NTRK2: variants seen among roughly 807,000 people sequenced by gnomAD.
NTRK2 encodes the protein BDNF/NT-3 growth factors receptor.
A neutral mutation model predicts 94.5 loss-of-function variants in NTRK2; 13 were observed. The ratio of observed to expected loss-of-function variants is 0.14; its 90% CI spans 0.09 to 0.22. NTRK2 has a LOEUF of 0.22. NTRK2 is among the 10% of genes least tolerant of loss of function. NTRK2 has a pLI of 1.00. For synonymous variants in NTRK2, 372 were observed against 407.4 expected, an observed-to-expected ratio of 0.91 and a Z score of 1.05; for missense variants, 639 against 1,071.2, an observed-to-expected ratio of 0.60 and a Z score of 5.63.
rs112790769 is a variant in NTRK2, at chr9:84,948,666, G to A, written c.1937+32G>A. Reference sequence around the variant, plus strand: ...TGAGGCGGGGAGGTGGGCTCCAGGAGGGAGCAGGCCTTCAGGGTTCAGGAG... The same window carrying A: ...TGAGGCGGGGAGGTGGGCTCCAGGAAGGAGCAGGCCTTCAGGGTTCAGGAG... On this transcript the variant is annotated intron_variant, in intron 16 of 18. Coordinates refer to ENST00000277120, the MANE Select transcript of NTRK2 (RefSeq NM_006180.6). The A allele has an allele frequency of 3.0e-5, 48 of 1,608,814 alleles. No individual in the cohort carries two copies. In the African/African-American group the frequency reaches 3.9e-4, roughly 13 times the overall value.
chr9:84,717,793 T>C lies in NTRK2; in HGVS notation c.584-5780T>C, dbSNP rs545804662. 5.9e-5 allele frequency among the ~76,000 whole-genome samples: 9 copies of C among 152,326 alleles called. No homozygotes were observed. In the South Asian group the frequency reaches 1.9e-3, roughly 32 times the overall value. The stretch of plus-strand genomic sequence containing the variant: ...ACATCTGAATTTAAATATATGTATA[T>C]CTTATATTTTGTCAAATTGCTTGAA... On this transcript the variant is annotated intron_variant, in intron 6 of 18. Coordinates refer to ENST00000277120, the MANE Select transcript of NTRK2 (RefSeq NM_006180.6).
At chr9:84,831,023 A>G (rs1378093448) in intron 12 of NTRK2, among the ~76,000 whole-genome samples, 11 of 152,242 alleles carry the variant, frequency 7.2e-5, no homozygotes, top group African/African-American at 2.7e-4. Flanking sequence ...AACATTTGTC[A>G]TAAATAAACT....
rs563556897 is a variant in NTRK2 at position 84,854,071 on chromosome 9, CA to C, written c.1397-6956del. On this transcript the variant is annotated intron_variant, in intron 12 of 18. Transcript: ENST00000277120. Reference sequence around the variant, plus strand: ...TGGGCAACAGAGTGAGACTCTGTCTCAAAAAAAAAAAAAGAAAAGAAAAGAA... The same window carrying C: ...TGGGCAACAGAGTGAGACTCTGTCTCAAAAAAAAAAAAGAAAAGAAAAGAA... 8.4e-3 allele frequency among the ~76,000 whole-genome samples: 514 copies of C among 61,092 alleles called. 2 individuals are homozygous for C. Among genetic ancestry groups the C allele is most frequent in the African/African-American group, 0.024 (390 of 16,178 alleles). 40.1% of individuals were successfully genotyped at this position (61,092 alleles called of 152,430 possible).
At chr9:84,707,489 A>C (rs1299001251) in intron 4 of NTRK2, among the ~76,000 whole-genome samples, 1 of 152,188 alleles carries the variant, frequency 6.6e-6, no homozygotes, top group African/African-American at 2.4e-5. Context: ...TTATAGTTTT[A>C]AATTTTATTT....
At chr9:84,813,414 G>A in intron 12 of NTRK2, 1 of 1,063,414 alleles carries the variant, frequency 9.4e-7, no homozygotes, top group South Asian at 4.6e-5. Context: ...AAAAGTCTGT[G>A]GGCTGCCAGT....
At chr9:84,866,716 C>T (rs561406879) in intron 13 of NTRK2, among the ~76,000 whole-genome samples, 1 of 152,242 alleles carries the variant, frequency 6.6e-6, no homozygotes, top group Admixed American at 6.5e-5. Flanking sequence ...CCAGTAATTC[C>T]ACCCAAGAGA....
rs372921138 is a variant in NTRK2, at chr9:85,021,469, G to A, written c.*32G>A. 6.8e-6 allele frequency: 11 copies of A among 1,607,168 alleles called. No individual in the cohort carries two copies. Among genetic ancestry groups the A allele is most frequent in the African/African-American group, 5.3e-5 (4 of 74,814 alleles). On this transcript the variant is annotated 3_prime_UTR_variant, in exon 19 of 19. Transcript: ENST00000277120. ...TTTCCCCAGACCGATCCTTCCCAAC[G>A]TACTCCTCAGACGGGCTGAGAGGAT... is the stretch of plus-strand genomic sequence containing the variant.
At chr9:84,714,757 A>T (rs1045462442) in intron 6 of NTRK2, among the ~76,000 whole-genome samples, 1 of 152,190 alleles carries the variant, frequency 6.6e-6, no homozygotes, top group Non-Finnish European at 1.5e-5. Context: ...TCTTTTACAT[A>T]TACTTTAAAA....
intron 14 of NTRK2, among the ~76,000 whole-genome samples, chr9:84,920,371 G>A (rs572657947): frequency 4.6e-4 from 70 of 152,184 alleles, no homozygotes; most frequent in Non-Finnish European, 8.8e-4. Flanking sequence ...TTGTCCACGC[G>A]GGCGAGACTG....
At chr9:84,723,747 AAG>A in intron 7 of NTRK2, 38 bp downstream of exon 7, 2 of 1,613,696 alleles carry the variant, frequency 1.2e-6, no homozygotes, top group Non-Finnish European at 1.7e-6. Flanking sequence ...ATAGAGAGAC[AAG>A]AGTGTTTCAG....
intron 14 of NTRK2, among the ~76,000 whole-genome samples, chr9:84,925,028 C>T (rs993845832): frequency 1.1e-4 from 16 of 152,246 alleles, no homozygotes; most frequent in Non-Finnish European, 1.8e-4. Flanking sequence ...GGTCCACTTG[C>T]TCCTTCGGTG....
intron 14 of NTRK2, among the ~76,000 whole-genome samples, chr9:84,928,523 A>T (rs1433665029): frequency 1.3e-5 from 2 of 152,102 alleles, no homozygotes; most frequent in African/African-American, 4.8e-5. Flanking sequence ...ATGTCAGGAA[A>T]CCCTCTCTGT....
At position 84,955,340 on chromosome 9, in the gene NTRK2, G is replaced by T. The variant is rs373618229; in HGVS notation, c.1995G>T (p.Thr665=). The stretch of plus-strand genomic sequence containing the variant: ...AGGGCAACCCGCCCACGGAACTGAC[G>T]CAGTCGCAGATGCTGCATATAGCCC... ...MAEGNPPTEL[T]QSQMLHIAQQ... Residue 665 remains threonine (T), a synonymous_variant, in exon 17 of 19, where the codon ACG becomes ACT. Coordinates refer to ENST00000277120, the MANE Select transcript of NTRK2 (RefSeq NM_006180.6). 6.2e-7 allele frequency: 1 copy of T among 1,612,404 alleles called. No individual in the cohort carries two copies. Among genetic ancestry groups the T allele is most frequent in the African/African-American group, 1.3e-5 (1 of 74,916 alleles).
intron 2 of NTRK2, among the ~76,000 whole-genome samples, chr9:84,675,197 C>T (rs945864640): frequency 6.6e-6 from 1 of 152,020 alleles, no homozygotes; most frequent in Non-Finnish European, 1.5e-5. Context: ...GTCTCTTTCT[C>T]CCTAGTAATA....
chr9:84,870,329 G>GTATA (rs1249656013), intron 14 of NTRK2, among the ~76,000 whole-genome samples: 4 of 20,554 alleles, frequency 1.9e-4, no homozygotes, highest in Non-Finnish European at 2.6e-4. Context: ...GGGTGTGTGT[G>GTATA]TGTATATATA....
intron 14 of NTRK2, among the ~76,000 whole-genome samples, chr9:84,911,097 A>C (rs938180136): frequency 3.3e-5 from 5 of 152,140 alleles, no homozygotes; most frequent in African/African-American, 1.2e-4. Context: ...GAGTATGCAA[A>C]TCCTACACAT....
chr9:84,791,285 C>T (rs1161996124), intron 12 of NTRK2, among the ~76,000 whole-genome samples: 1 of 152,092 alleles, frequency 6.6e-6, no homozygotes, highest in Non-Finnish European at 1.5e-5. Context: ...CCTAGATTAA[C>T]TCTTGGAGTT....
At chr9:84,877,825 T>C (rs977578008) in intron 14 of NTRK2, 18 of 1,045,286 alleles carry the variant, frequency 1.7e-5, no homozygotes, top group African/African-American at 5.0e-5. Flanking sequence ...TGAGATCTTT[T>C]GTACTGGAAT....
intron 16 of NTRK2, among the ~76,000 whole-genome samples, chr9:84,949,339 A>G (rs2078700654): frequency 6.6e-6 from 1 of 152,234 alleles, no homozygotes; most frequent in East Asian, 1.9e-4. Context: ...GGGTCTTCAG[A>G]AAAAGGCAAG....
Sources: allele counts gnomAD v4.1 joint callset (sites outside exome capture counted in the v4.1 genomes callset), GRCh38; gene constraint gnomAD v4.1.1; transcripts MANE v1.5; gene names NCBI Gene and HGNC (gene_info 2026-07-23, HGNC 2026-07-21).